Variants in SH3BP1 observed in about 807,000 individuals in gnomAD.
SH3BP1 encodes SH3 domain binding protein 1.
Under a neutral mutation model 69.8 loss-of-function variants are expected in SH3BP1, and 46 were observed. That is an observed-to-expected ratio of 0.66 (90% CI 0.52 to 0.84). SH3BP1 has a LOEUF of 0.84. SH3BP1 is among the 40% of genes least tolerant of loss of function. The pLI is 0.00. For missense variants in SH3BP1, 868 were observed against 930.9 expected, an observed-to-expected ratio of 0.93 and a Z score of 0.88; for synonymous variants, 403 against 378.0, an observed-to-expected ratio of 1.07 and a Z score of -0.77.
Position 37,639,846 on chromosome 22 carries a change from G to T in SH3BP1, c.59G>T (p.Arg20Leu). ...RQLAQTGSLG[R>L]TPETAEFLGE... ...CTGGCCCAGACGGGCAGCTTGGGAC[G>T]GTGAGTGTCACCCGCTTCCAGCCCC... is the stretch of plus-strand genomic sequence containing the variant. Residue 20 changes from arginine to leucine, a missense_variant and splice_region_variant, in exon 1 of 18, where the codon CGC (arginine) becomes CTC (leucine). Around this residue, in one of 3 missense-constraint regions of SH3BP1, gnomAD observed 387 missense variants for 447.9 expected, o/e 0.86. Coordinates refer to ENST00000649765, the MANE Select transcript of SH3BP1 (RefSeq NM_018957.6). The T allele has an allele frequency of 1.3e-6, 2 of 1,568,300 alleles. No individual in the cohort carries two copies. Among genetic ancestry groups the T allele is most frequent in the Non-Finnish European group, 1.7e-6 (2 of 1,159,546 alleles).
At position 37,644,633 on chromosome 22, in the gene SH3BP1, C is replaced by T; in HGVS notation, c.619-4C>T. ...ACGTAAGCTCTCCCCTCTCTGTCCC[C>T]AAGGACGAGTACTTGGCTGACCTGT... On this transcript the variant is annotated splice_region_variant and splice_polypyrimidine_tract_variant and intron_variant, in intron 7 of 17. Transcript: ENST00000649765. 6.2e-7 allele frequency: 1 copy of T among 1,614,132 alleles called. No individual in the cohort carries two copies. The highest frequency in any genetic ancestry group is 2.2e-5 in the East Asian group (1 of 44,890).
At position 37,653,805 on chromosome 22, in the gene SH3BP1, C is replaced by A. The variant is rs759476815; in HGVS notation, c.1625C>A (p.Pro542Gln). 1 of 1,613,630 alleles carries A rather than the reference C, an allele frequency of 6.2e-7. No individual in the cohort carries two copies. The highest frequency in any genetic ancestry group is 8.5e-7 in the Non-Finnish European group (1 of 1,179,846). Reference protein sequence around the residue: ...ERTESEVPPRPASPKVTRSPP... With the variant: ...ERTESEVPPRQASPKVTRSPP... ...ACAGAGTCTGAGGTGCCTCCCAGAC[C>A]AGCCTCCCCCAAGGTCACCAGGAGT... The change falls in exon 17 of 18, where the codon CCA becomes CAA. Residue 542 changes from proline to glutamine, a missense_variant. By Grantham distance (76) the Pro-to-Gln change is moderately conservative. Transcript: ENST00000649765.
Position 37,646,991 on chromosome 22 carries a change from C to T in SH3BP1, c.1036+62C>T, listed in dbSNP as rs562211451. 18 of 1,117,536 alleles carry T rather than the reference C, an allele frequency of 1.6e-5. No individual in the cohort carries two copies. The African/African-American group carries it at 1.7e-4, about 11-fold the overall frequency. 69.2% of individuals were successfully genotyped at this position (1,117,536 alleles called of 1,614,324 possible). On this transcript the variant is annotated intron_variant, in intron 11 of 17. Transcript: ENST00000649765. ...GGGGAGGGGGTGCAGTGGCTTGAAA[C>T]GATCCCAAGATAGCCTGGCTTTAAG... is the stretch of plus-strand genomic sequence containing the variant.
In SH3BP1 at chr22:37,655,464, A is replaced by G; in HGVS notation, c.1886A>G (p.Gln629Arg). Reference sequence around the variant, plus strand: ...CCCCCGTTACCCCCCACACCCCCTCAGCCTGCCCGGCGCCAAAGCCGGCGT... The same window carrying G: ...CCCCCGTTACCCCCCACACCCCCTCGGCCTGCCCGGCGCCAAAGCCGGCGT... Reference protein sequence around the residue: ...VPPPLPPTPPQPARRQSRRSP... With the variant: ...VPPPLPPTPPRPARRQSRRSP... Residue 629 changes from glutamine (Q) to arginine (R), a missense_variant, in exon 18 of 18, where the codon CAG becomes CGG. This residue lies in a region of SH3BP1 where 474 missense variants were observed against 462.3 expected (regional missense o/e 1.03). Coordinates refer to ENST00000649765, the MANE Select transcript of SH3BP1 (RefSeq NM_018957.6). 1 of 697,878 alleles carries G rather than the reference A, an allele frequency of 1.4e-6. No individual in the cohort carries two copies. The highest frequency in any genetic ancestry group is 1.8e-6 in the Non-Finnish European group (1 of 553,932). 43.2% of individuals were successfully genotyped at this position (697,878 alleles called of 1,614,324 possible).
chr22:37,649,003 T>C (rs949774000), intron 14 of SH3BP1, among the ~76,000 whole-genome samples: 2 of 151,638 alleles, frequency 1.3e-5, no homozygotes, highest in Admixed American at 6.6e-5. Flanking sequence ...GCGCCCCAGG[T>C]GTGAGCTGCC....
chr22:37,643,778 A>C lies in SH3BP1; in HGVS notation c.608A>C (p.Glu203Ala). ...EEEEELKRKVEQCRDEYLADL... is the reference protein window; with the variant it reads ...EEEEELKRKVAQCRDEYLADL... ...GAGGAGGAGCTGAAGAGGAAAGTGGAGCAATGCAGGGTGAGGGCCATGGGG... is the reference window on the plus strand; with the variant it reads ...GAGGAGGAGCTGAAGAGGAAAGTGGCGCAATGCAGGGTGAGGGCCATGGGG... The change falls in exon 7 of 18, where the codon GAG becomes GCG. Residue 203 changes from glutamate (E) to alanine (A), a missense_variant. Transcript: ENST00000649765. 1.2e-6 allele frequency: 2 copies of C among 1,613,202 alleles called. 1 individual carries two copies. Among genetic ancestry groups the C allele is most frequent in the South Asian group, 2.2e-5 (2 of 91,072 alleles).
chr22:37,650,785 C>T (rs1472424813), intron 16 of SH3BP1, 60 bp downstream of exon 16: 6 of 1,505,900 alleles, frequency 4.0e-6, no homozygotes, highest in African/African-American at 2.8e-5. Flanking sequence ...CTGCCTGAGG[C>T]GCCATGTCTC....
intron 16 of SH3BP1, 80 bp downstream of exon 16, chr22:37,650,805 A>G: frequency 6.7e-7 from 1 of 1,487,418 alleles, no homozygotes. Flanking sequence ...CAGAGCTGGA[A>G]GCTGAATTTT....
At chr22:37,641,009 G>A (rs1369370379) in intron 1 of SH3BP1, 117 bp from the exon 2 acceptor site, 1 of 739,580 alleles carries the variant, frequency 1.4e-6, no homozygotes, top group Middle Eastern at 3.1e-4. Context: ...AGCTGGGAGG[G>A]ACAGTGGAAG....
At chr22:37,646,085 A>G (rs1235470119) in intron 10 of SH3BP1, among the ~76,000 whole-genome samples, 7 of 145,262 alleles carry the variant, frequency 4.8e-5, no homozygotes, top group Middle Eastern at 4.0e-3. Flanking sequence ...TCCTGCCTCA[A>G]CTTCACAAGT....
intron 11 of SH3BP1, 139 bp from the exon 12 acceptor site, chr22:37,647,128 T>C (rs1045451886): frequency 3.5e-6 from 3 of 855,446 alleles, no homozygotes; most frequent in Non-Finnish European, 5.6e-6. Context: ...AGCCTTCATT[T>C]TCTCAAAAGG....
In SH3BP1 at chr22:37,655,494, C is replaced by G; in HGVS notation, c.1916C>G (p.Pro639Arg). 6.4e-7 allele frequency: 1 copy of G among 1,552,158 alleles called. No homozygotes were observed. The highest frequency in any genetic ancestry group is 8.7e-7 in the Non-Finnish European group (1 of 1,147,764). Residue 639 changes from proline to arginine, a missense_variant, in exon 18 of 18, where the codon CCA becomes CGA. Pro to Arg is a moderately radical substitution (Grantham distance 103, BLOSUM62 -2). Around this residue, in one of 3 missense-constraint regions of SH3BP1, gnomAD observed 474 missense variants for 462.3 expected, o/e 1.03. Coordinates refer to ENST00000649765, the MANE Select transcript of SH3BP1 (RefSeq NM_018957.6). ...GCCCGGCGCCAAAGCCGGCGTTCACCAGCCTCCCCCAGCCCGGCCTCCCCA... is the reference window on the plus strand; with the variant it reads ...GCCCGGCGCCAAAGCCGGCGTTCACGAGCCTCCCCCAGCCCGGCCTCCCCA... ...QPARRQSRRS[P>R]ASPSPASPGP...
intron 1 of SH3BP1, chr22:37,640,841 C>T (rs1439658582): frequency 4.1e-6 from 2 of 490,602 alleles, no homozygotes; most frequent in African/African-American, 2.0e-5. Flanking sequence ...AAGCTGGGCC[C>T]CGGGTGGGTC....
chr22:37,647,378 G>A lies in SH3BP1; in HGVS notation c.1118+30G>A, dbSNP rs140959974. On this transcript the variant is annotated intron_variant, in intron 12 of 17. Transcript: ENST00000649765. ...GGATGTTGGAGGAGGGAGGGGATGG[G>A]GAGGAGGAGGATGCAAAGGTGTAGC... is the stretch of plus-strand genomic sequence containing the variant. 1.1e-3 allele frequency: 1,731 copies of A among 1,611,628 alleles called. 22 individuals are homozygous for A. In the African/African-American group the frequency reaches 0.021, roughly 20 times the overall value.
rs1932816131 is a variant in SH3BP1, at chr22:37,648,175, C to T, written c.1200-144C>T. ...GGCTCAGTGCCCACTGCAGGGTTGGCACTCAGTGGATAAGCTGATTTAACT... is the reference window on the plus strand; with the variant it reads ...GGCTCAGTGCCCACTGCAGGGTTGGTACTCAGTGGATAAGCTGATTTAACT... On this transcript the variant is annotated intron_variant, in intron 13 of 17. Coordinates refer to ENST00000649765, the MANE Select transcript of SH3BP1 (RefSeq NM_018957.6). 1.4e-5 allele frequency: 9 copies of T among 643,776 alleles called. No individual in the cohort carries two copies. In the South Asian group the frequency reaches 1.6e-4, roughly 11 times the overall value. The allele number at this position is 643,776 out of a possible 1,614,324, so 39.9% of individuals were successfully genotyped here. A position where few individuals can be genotyped will look rare whatever the true frequency, so the allele number is the denominator to read the frequency against.
chr22:37,642,301 T>C, intron 3 of SH3BP1: 1 of 539,744 alleles, frequency 1.9e-6, no homozygotes, highest in South Asian at 2.1e-5. Context: ...TGGTCATTCC[T>C]TCCTGCCCAG....
intron 13 of SH3BP1, 93 bp from the exon 14 acceptor site, chr22:37,648,226 C>A: frequency 1.2e-6 from 1 of 821,054 alleles, no homozygotes; most frequent in Non-Finnish European, 2.0e-6. Flanking sequence ...CCATTCTGGG[C>A]GGTGTCTTTC....
Position 37,655,615 on chromosome 22 carries a change from T to C in SH3BP1, c.2037T>C (p.Ser679=), listed in dbSNP as rs1283214222. 6.4e-7 allele frequency: 1 copy of C among 1,563,616 alleles called. No homozygotes were observed. Among genetic ancestry groups the C allele is most frequent in the Admixed American group, 1.8e-5 (1 of 54,208 alleles). ...AGGGAGGAGCCCCTGAGGCTATCAG[T>C]GGGGTCCCCACTCCCCCAGCTATCC... ...TAEGGAPEAI[S]GVPTPPAIPP... Residue 679 remains serine, a synonymous_variant, in exon 18 of 18, where the codon AGT becomes AGC. Transcript: ENST00000649765.
At chr22:37,653,408 C>G (rs1305852673) in intron 16 of SH3BP1, among the ~76,000 whole-genome samples, 1 of 152,136 alleles carries the variant, frequency 6.6e-6, no homozygotes, top group Non-Finnish European at 1.5e-5. Flanking sequence ...TGCACTCCAG[C>G]CTGGGCGACA....
Sources: allele counts gnomAD v4.1 joint callset (sites outside exome capture counted in the v4.1 genomes callset), GRCh38; gene constraint gnomAD v4.1.1; regional missense constraint gnomAD v4.1.1; transcripts MANE v1.5; gene names NCBI Gene and HGNC (gene_info 2026-07-23, HGNC 2026-07-21).